The following GPT2 variants were observed in gnomAD, a reference collection of about 807,000 sequenced individuals.
GPT2 encodes glutamic--pyruvic transaminase 2.
Under a neutral mutation model 56.9 loss-of-function variants are expected in GPT2, and 30 were observed. The observed-to-expected ratio is 0.53, with a 90% CI of 0.39 to 0.72. The LOEUF is 0.72. GPT2 is among the 30% of genes least tolerant of loss of function. GPT2 has a pLI of 0.00. For synonymous variants in GPT2, 271 were observed against 283.1 expected (o/e 0.96, Z 0.43); for missense variants, 542 against 703.4 (o/e 0.77, Z 2.60).
At chr16:46,897,190 C>T (rs1346274281) in intron 2 of GPT2, among the ~76,000 whole-genome samples, 1 of 152,200 alleles carries the variant, frequency 6.6e-6, no homozygotes, top group Non-Finnish European at 1.5e-5. Context: ...GCCTGGCCAA[C>T]ACGTTGAAAT....
intron 2 of GPT2, among the ~76,000 whole-genome samples, chr16:46,887,266 GAGACC>G (rs1193507691): frequency 1.3e-5 from 2 of 152,124 alleles, no homozygotes; most frequent in East Asian, 3.9e-4. Context: ...GCAGGAGTTC[GAGACC>G]AGCCTGGCCA....
At chr16:46,906,775 T>G in intron 4 of GPT2, 67 bp from the exon 5 acceptor site, 2 of 1,584,288 alleles carry the variant, frequency 1.3e-6, no homozygotes, top group Non-Finnish European at 1.7e-6. Context: ...TATATGGATG[T>G]TAATTATATT....
chr16:46,908,912 T>C (rs1215637719), intron 5 of GPT2, among the ~76,000 whole-genome samples: 2 of 152,132 alleles, frequency 1.3e-5, no homozygotes, highest in Non-Finnish European at 2.9e-5. Context: ...AGGTGGAGAC[T>C]CTCCCTGCAG....
chr16:46,925,227 GT>G (rs957455156), intron 10 of GPT2, among the ~76,000 whole-genome samples: 2 of 148,008 alleles, frequency 1.4e-5, no homozygotes, highest in African/African-American at 2.5e-5. Context: ...TTTGTTTTTT[GT>G]TTTTTTTTTC....
intron 1 of GPT2, 87 bp downstream of exon 1, chr16:46,884,554 G>C (rs1960442181): frequency 1.1e-6 from 1 of 886,178 alleles, no homozygotes; most frequent in Admixed American, 4.3e-5. Flanking sequence ...GGAGGGTCCG[G>C]GTCGCCGGGG....
At chr16:46,906,693 T>A in intron 4 of GPT2, 149 bp from the exon 5 acceptor site, 1 of 1,017,082 alleles carries the variant, frequency 9.8e-7, no homozygotes, top group East Asian at 2.4e-5. Flanking sequence ...TTAAGCAGTT[T>A]CCCACAGTTC....
chr16:46,917,287 G>A (rs1961187629), intron 7 of GPT2, among the ~76,000 whole-genome samples: 1 of 152,154 alleles, frequency 6.6e-6, no homozygotes, highest in African/African-American at 2.4e-5. Context: ...CCTCCAGATA[G>A]AGAACCAAGG....
chr16:46,927,083 G>C (rs1050047897), intron 11 of GPT2, 46 bp downstream of exon 11: 1 of 1,214,856 alleles, frequency 8.2e-7, no homozygotes, highest in Non-Finnish European at 1.2e-6. Context: ...GTCTTGTCCA[G>C]GGAAATGTGG....
Position 46,909,807 on chromosome 16 carries a change from T to A in GPT2, c.700T>A (p.Tyr234Asn). The change falls in exon 6 of 12, where the codon TAC becomes AAC. Residue 234 changes from tyrosine to asparagine, a missense_variant. Physicochemically the swap from Tyr to Asn is moderately radical, Grantham distance 143. Transcript: ENST00000340124. The part of the protein sequence containing the change: ...SELDAIQVNY[Y>N]LDEENCWALN... Reference sequence around the variant, plus strand: ...GCTCGACGCCATCCAGGTGAATTACTACCTGGACGAGGAGAACTGCTGGGC... The same window carrying A: ...GCTCGACGCCATCCAGGTGAATTACAACCTGGACGAGGAGAACTGCTGGGC... The A allele has an allele frequency of 1.2e-6, 2 of 1,614,198 alleles. No homozygotes were observed. The highest frequency in any genetic ancestry group is 1.7e-6 in the Non-Finnish European group (2 of 1,180,022).
intron 6 of GPT2, among the ~76,000 whole-genome samples, chr16:46,912,667 C>T (rs1306643048): frequency 6.6e-6 from 1 of 152,152 alleles, no homozygotes; most frequent in Non-Finnish European, 1.5e-5. Context: ...CTGGGGATGC[C>T]TCAGGAAGCT....
intron 4 of GPT2, among the ~76,000 whole-genome samples, chr16:46,905,663 A>G (rs942139789): frequency 6.6e-6 from 1 of 152,132 alleles, no homozygotes; most frequent in African/African-American, 2.4e-5. Context: ...ACATCTTTCC[A>G]TTTTATTTTC....
At chr16:46,898,996 CACATATATATATATATATAT>C (rs1567335169) in intron 3 of GPT2, among the ~76,000 whole-genome samples, 1 of 107,890 alleles carries the variant, frequency 9.3e-6, no homozygotes, top group African/African-American at 4.0e-5. Context: ...ATATATAACA[CACATATATATATATATATAT>C]ATATATATAT....
At chr16:46,886,193 C>A (rs1010190122) in intron 2 of GPT2, among the ~76,000 whole-genome samples, 1 of 152,164 alleles carries the variant, frequency 6.6e-6, no homozygotes, top group East Asian at 1.9e-4. Context: ...TTCTGTGCCT[C>A]CCTGGCCCAG....
intron 6 of GPT2, chr16:46,915,418 C>G (rs1475888083): frequency 6.6e-6 from 1 of 151,072 alleles, no homozygotes; most frequent in Non-Finnish European, 1.5e-5. Flanking sequence ...TAGACACACA[C>G]CCCACCACAC....
chr16:46,916,367 A>T (rs1961163014), intron 6 of GPT2: 1 of 318,654 alleles, frequency 3.1e-6, no homozygotes, highest in East Asian at 5.1e-5. Flanking sequence ...AAAAAAAAAA[A>T]TAAGAGAGCC....
chr16:46,929,006 G>C lies in GPT2; in HGVS notation c.*9G>C, dbSNP rs760113482. On this transcript the variant is annotated 3_prime_UTR_variant, in exon 12 of 12. Transcript: ENST00000340124. Reference sequence around the variant, plus strand: ...TGGAGAAGTACGCGTGAGGACGCCTGAGCCCCAGCGGGAGACCTGTCCTTG... The same window carrying C: ...TGGAGAAGTACGCGTGAGGACGCCTCAGCCCCAGCGGGAGACCTGTCCTTG... The C allele has an allele frequency of 6.2e-7, 1 of 1,610,252 alleles. No homozygotes were observed. Among genetic ancestry groups the C allele is most frequent in the Non-Finnish European group, 8.5e-7 (1 of 1,176,480 alleles).
chr16:46,896,532 T>A (rs1960689107), intron 2 of GPT2, among the ~76,000 whole-genome samples: 1 of 152,182 alleles, frequency 6.6e-6, no homozygotes, highest in African/African-American at 2.4e-5. Flanking sequence ...CCCTGAGGAT[T>A]CCCTGCTGAT....
intron 2 of GPT2, among the ~76,000 whole-genome samples, chr16:46,895,142 G>T (rs1038804624): frequency 1.3e-5 from 2 of 152,150 alleles, no homozygotes; most frequent in African/African-American, 2.4e-5. Context: ...CTTGCTTAGG[G>T]CTTAGGGGTG....
intron 6 of GPT2, among the ~76,000 whole-genome samples, chr16:46,913,259 G>A (rs1473733823): frequency 6.6e-6 from 1 of 152,188 alleles, no homozygotes; most frequent in African/African-American, 2.4e-5. Flanking sequence ...TTAAGGCTCT[G>A]GTTCTTGCTT....
Sources: gnomAD v4.1 joint callset for allele counts (sites outside exome capture counted in the v4.1 genomes callset) on GRCh38, gnomAD v4.1.1 for gene constraint, MANE v1.5 for transcripts, NCBI Gene and HGNC (gene_info 2026-07-23, HGNC 2026-07-21) for gene names.